The following ADAM2 variants were observed in gnomAD, a reference collection of about 807,000 sequenced individuals.
ADAM2 encodes disintegrin and metalloproteinase domain-containing protein 2.
In ADAM2, 101 loss-of-function variants were observed where a neutral mutation model predicts 99.3. That is an observed-to-expected ratio of 1.02 (90% CI 0.87 to 1.20). ADAM2 has a LOEUF of 1.20. Ranked by LOEUF, ADAM2 falls within the 50% of genes most tolerant of loss-of-function variation. ADAM2 has a pLI of 0.00. For missense variants in ADAM2, 948 were observed against 878.7 expected (o/e 1.08, Z -1.00); for synonymous variants, 323 against 287.6 (o/e 1.12, Z -1.25).
intron 10 of ADAM2, among the ~76,000 whole-genome samples, chr8:39,785,796 T>TAAAAAAAA (rs58429092): frequency 4.9e-5 from 6 of 122,480 alleles, no homozygotes; most frequent in African/African-American, 5.9e-5. Context: ...CTGTCTCAAA[T>TAAAAAAAA]AAAAAAAAAA....
At chr8:39,827,619 A>T (rs1805462908) in intron 3 of ADAM2, among the ~76,000 whole-genome samples, 1 of 152,204 alleles carries the variant, frequency 6.6e-6, no homozygotes, top group Admixed American at 6.5e-5. Flanking sequence ...GTAAAGCAAA[A>T]TAAGCCAAGT....
At chr8:39,762,990 G>A (rs114747045) in intron 14 of ADAM2, among the ~76,000 whole-genome samples, 3 of 152,064 alleles carry the variant, frequency 2.0e-5, no homozygotes, top group African/African-American at 7.3e-5. Flanking sequence ...TTTTAACTTG[G>A]GCATATTCTC....
chr8:39,769,258 A>C (rs1802684161), intron 12 of ADAM2, 134 bp downstream of exon 12: 1 of 638,148 alleles, frequency 1.6e-6, no homozygotes, highest in Non-Finnish European at 2.7e-6. Flanking sequence ...AGTTGTTATA[A>C]TACCTACATG....
At chr8:39,801,231 G>A (rs182753058) in intron 7 of ADAM2, among the ~76,000 whole-genome samples, 16 of 152,212 alleles carry the variant, frequency 1.1e-4, no homozygotes, top group African/African-American at 3.6e-4. Flanking sequence ...TGCTGTTGTT[G>A]CCACTTTCGG....
intron 7 of ADAM2, among the ~76,000 whole-genome samples, chr8:39,807,393 T>A (rs1804483743): frequency 6.6e-6 from 1 of 152,094 alleles, no homozygotes; most frequent in Non-Finnish European, 1.5e-5. Flanking sequence ...GTTGGAGCTG[T>A]TAGGATGGAA....
chr8:39,755,999 G>A (rs1802138132), intron 15 of ADAM2, 88 bp from the exon 16 acceptor site: 2 of 746,168 alleles, frequency 2.7e-6, no homozygotes, highest in South Asian at 5.5e-5. Flanking sequence ...TTTAAATAAA[G>A]TATTCAAGGT....
In ADAM2 at chr8:39,749,586, C is replaced by CATGTGT. The variant is rs112217136; in HGVS notation, c.1875+80_1875+81insACACAT. The CATGTGT allele has an allele frequency of 5.0e-4, 609 of 1,214,042 alleles. 1 individual carries two copies. The highest frequency in any genetic ancestry group is 8.5e-4 in the African/African-American group (56 of 66,244). The allele number at this position is 1,214,042 out of a possible 1,614,324, so 75.2% of individuals were successfully genotyped here. ...TTTGGTGTGTGTGTGTGTGTGTGTG[C>CATGTGT]GTGTGTGTGTGTGTAGCAATGCAGT... On this transcript the variant is annotated intron_variant, in intron 17 of 20. Coordinates refer to ENST00000265708, the MANE Select transcript of ADAM2 (RefSeq NM_001464.5).
chr8:39,791,644 CT>C (rs1803720242), intron 7 of ADAM2, among the ~76,000 whole-genome samples: 1 of 152,142 alleles, frequency 6.6e-6, no homozygotes, highest in South Asian at 2.1e-4. Context: ...CTCTCTGATA[CT>C]TTTGGCTTTC....
chr8:39,829,228 C>A (rs961469685), intron 3 of ADAM2, among the ~76,000 whole-genome samples: 1 of 151,918 alleles, frequency 6.6e-6, no homozygotes, highest in African/African-American at 2.4e-5. Context: ...ATTTCTTATA[C>A]AAGATACAAA....
At chr8:39,811,906 T>C (rs1804715194) in intron 6 of ADAM2, among the ~76,000 whole-genome samples, 2 of 152,174 alleles carry the variant, frequency 1.3e-5, no homozygotes, top group Admixed American at 6.5e-5. Flanking sequence ...CTATTCAACA[T>C]AGTGTTGGAA....
intron 7 of ADAM2, among the ~76,000 whole-genome samples, chr8:39,804,699 T>C (rs1804364874): frequency 6.6e-6 from 1 of 152,036 alleles, no homozygotes; most frequent in Non-Finnish European, 1.5e-5. Context: ...ATGATATGAG[T>C]ATTATTAAAA....
intron 20 of ADAM2, among the ~76,000 whole-genome samples, chr8:39,744,297 GATC>G (rs1823355460): frequency 6.6e-6 from 1 of 151,932 alleles, no homozygotes; most frequent in Non-Finnish European, 1.5e-5. Context: ...TTTATAACTT[GATC>G]ATGTCTATTA....
chr8:39,770,015 C>G (rs1212082391), intron 11 of ADAM2, among the ~76,000 whole-genome samples: 1 of 143,822 alleles, frequency 7.0e-6, no homozygotes, highest in Non-Finnish European at 1.5e-5. Context: ...GGCATGATCT[C>G]TGCTCACTGC....
At chr8:39,817,809 C>T (rs1370109276) in intron 6 of ADAM2, 2 of 151,638 alleles carry the variant, frequency 1.3e-5, no homozygotes, top group Admixed American at 6.6e-5. Flanking sequence ...TATTTAAAGA[C>T]CTATAAGGGA....
intron 3 of ADAM2, among the ~76,000 whole-genome samples, chr8:39,830,361 A>G (rs1241403502): frequency 6.6e-6 from 1 of 152,156 alleles, no homozygotes; most frequent in Non-Finnish European, 1.5e-5. Context: ...TTGAAAATGA[A>G]GTGGTATTGC....
chr8:39,803,940 T>C (rs1035222741), intron 7 of ADAM2, among the ~76,000 whole-genome samples: 1 of 152,210 alleles, frequency 6.6e-6, no homozygotes. Context: ...GGGCAAGAAT[T>C]GTTAGAGCCA....
intron 6 of ADAM2, among the ~76,000 whole-genome samples, chr8:39,810,213 T>C (rs1804636631): frequency 6.6e-6 from 1 of 152,146 alleles, no homozygotes; most frequent in Admixed American, 6.5e-5. Context: ...GGTAAAGTGA[T>C]CAATTCAACA....
intron 7 of ADAM2, among the ~76,000 whole-genome samples, chr8:39,796,756 T>C (rs1261611145): frequency 6.6e-6 from 1 of 152,240 alleles, no homozygotes; most frequent in African/African-American, 2.4e-5. Flanking sequence ...ACATGGTATC[T>C]CATTGTAGTT....
At chr8:39,789,280 C>T (rs996008857) in intron 7 of ADAM2, among the ~76,000 whole-genome samples, 2 of 151,552 alleles carry the variant, frequency 1.3e-5, no homozygotes, top group South Asian at 2.1e-4. Flanking sequence ...ATTTAACAAT[C>T]GTATTTAAAG....
Sources: allele counts gnomAD v4.1 joint callset (sites outside exome capture counted in the v4.1 genomes callset), GRCh38; gene constraint gnomAD v4.1.1; transcripts MANE v1.5; gene names NCBI Gene and HGNC (gene_info 2026-07-23, HGNC 2026-07-21).